LYAR: variants seen among roughly 807,000 people sequenced by gnomAD.
LYAR encodes cell growth-regulating nucleolar protein.
Under a neutral mutation model 45.2 loss-of-function variants are expected in LYAR, and 37 were observed. The ratio of observed to expected loss-of-function variants is 0.82; its 90% CI spans 0.63 to 1.08. The LOEUF is 1.08. Ranked by LOEUF, LYAR falls within the 50% of genes least tolerant of loss-of-function variation. LYAR has a pLI of 0.00. For synonymous variants in LYAR, 176 were observed against 155.1 expected (o/e 1.14, Z -1.00); for missense variants, 493 against 451.0 (o/e 1.09, Z -0.84).
Position 4,267,760 on chromosome 4 carries a change from A to G in LYAR, c.*129T>C, listed in dbSNP as rs369349408. ...CTCATAAAAGTTATACCAAAAATAT[A>G]TTTTCTTAACTTAAAAATACAGCTT... On this transcript the variant is annotated 3_prime_UTR_variant, in exon 10 of 10. Transcript: ENST00000343470. 3.3e-6 allele frequency: 2 copies of G among 606,916 alleles called. No individual in the cohort carries two copies. Among genetic ancestry groups the G allele is most frequent in the Non-Finnish European group, 5.0e-6 (2 of 396,858 alleles). The allele number at this position is 606,916 out of a possible 1,614,324, so 37.6% of individuals were successfully genotyped here. A position where few individuals can be genotyped will look rare whatever the true frequency, so the allele number is the denominator to read the frequency against.
chr4:4,282,603 C>T (rs1719444131), intron 3 of LYAR, among the ~76,000 whole-genome samples: 1 of 152,206 alleles, frequency 6.6e-6, no homozygotes, highest in Non-Finnish European at 1.5e-5. Flanking sequence ...TCAGAGGACA[C>T]TGGGGCAGAT....
At chr4:4,268,072 CT>C in intron 9 of LYAR, 49 bp from the exon 10 acceptor site, 3 of 1,479,130 alleles carry the variant, frequency 2.0e-6, no homozygotes, top group Non-Finnish European at 2.7e-6. Context: ...GGAAAATTAT[CT>C]TAAAATGTTC....
chr4:4,282,464 A>G (rs1461600915), intron 3 of LYAR, among the ~76,000 whole-genome samples: 2 of 152,206 alleles, frequency 1.3e-5, no homozygotes, highest in East Asian at 1.9e-4. Context: ...TGAAAACTCA[A>G]TTTTAACCTA....
chr4:4,272,072 G>T (rs1433196328), intron 8 of LYAR, among the ~76,000 whole-genome samples: 2 of 152,280 alleles, frequency 1.3e-5, no homozygotes, highest in African/African-American at 4.8e-5. Context: ...GGCTAAGGAG[G>T]GGGTGGGGGT....
intron 3 of LYAR, among the ~76,000 whole-genome samples, chr4:4,283,275 C>T (rs1237380271): frequency 1.3e-5 from 2 of 152,142 alleles, no homozygotes; most frequent in Admixed American, 6.5e-5. Context: ...CTCAGCCTCC[C>T]GAGTAGCTGG....
intron 7 of LYAR, 58 bp from the exon 8 acceptor site, chr4:4,273,727 C>A: frequency 1.0e-6 from 1 of 993,202 alleles, no homozygotes; most frequent in South Asian, 1.3e-5. Flanking sequence ...TAGCAGCTAC[C>A]ATTTAATGAG....
intron 3 of LYAR, among the ~76,000 whole-genome samples, chr4:4,282,398 T>C (rs1284028756): frequency 6.6e-6 from 1 of 152,082 alleles, no homozygotes; most frequent in Non-Finnish European, 1.5e-5. Flanking sequence ...TTTGTAAAGC[T>C]CTATGGGGTT....
chr4:4,289,497 G>C (rs1719769439), intron 1 of LYAR: 1 of 152,208 alleles, frequency 6.6e-6, no homozygotes, highest in Non-Finnish European at 1.5e-5. Flanking sequence ...CTCATAGGAG[G>C]TTAACACATT....
chr4:4,288,406 AGGTTTGG>A (rs1719701786), intron 1 of LYAR, among the ~76,000 whole-genome samples: 1 of 151,348 alleles, frequency 6.6e-6, no homozygotes, highest in African/African-American at 2.4e-5. Flanking sequence ...ACATGCCCTT[AGGTTTGG>A]TTCTGAGATT....
At chr4:4,284,594 C>T (rs1719533184) in intron 2 of LYAR, among the ~76,000 whole-genome samples, 1 of 152,056 alleles carries the variant, frequency 6.6e-6, no homozygotes, top group East Asian at 1.9e-4. Flanking sequence ...CGAGCACTGC[C>T]CCAAAAAGAA....
rs1350238195 is a variant in LYAR at position 4,274,702 on chromosome 4, G to C, written c.497C>G (p.Ser166Cys). 4 of 1,613,826 alleles carry C rather than the reference G, an allele frequency of 2.5e-6. No homozygotes were observed. The highest frequency in any genetic ancestry group is 3.4e-6 in the Non-Finnish European group (4 of 1,179,986). ...HPVANPHAEI[S>C]TKVPASKVKD... ...CACTTTGGAGGCTGGAACCTTGGTG[G>C]AGATTTCTGCATGTGGATTTGCCAC... is the stretch of plus-strand genomic sequence containing the variant. Residue 166 changes from serine to cysteine, a missense_variant, in exon 7 of 10, where the codon TCC (serine) becomes TGC (cysteine). Transcript: ENST00000343470.
intron 2 of LYAR, among the ~76,000 whole-genome samples, chr4:4,284,873 A>G (rs181539599): frequency 2.8e-4 from 42 of 152,332 alleles, no homozygotes; most frequent in Admixed American, 2.5e-3. Flanking sequence ...AATTTACTTC[A>G]GGGTAGGACT....
chr4:4,288,205 C>T (rs534967724), intron 1 of LYAR, among the ~76,000 whole-genome samples: 1 of 152,298 alleles, frequency 6.6e-6, no homozygotes, highest in Admixed American at 6.5e-5. Context: ...AAAGCTTCAT[C>T]CCTGCCCAAT....
chr4:4,286,597 T>A (rs899115445), intron 1 of LYAR, 25 bp from the exon 2 acceptor site: 6 of 151,604 alleles, frequency 4.0e-5, no homozygotes, highest in Non-Finnish European at 8.8e-5. Context: ...TAAAACGGTA[T>A]TGTTCAAATT....
chr4:4,268,047 G>A lies in LYAR; in HGVS notation c.1006-24C>T, dbSNP rs201967481. On this transcript the variant is annotated intron_variant, in intron 9 of 9. Coordinates refer to ENST00000343470, the MANE Select transcript of LYAR (RefSeq NM_017816.3). ...ACCTTCACAAAGAAAAACATCAAAT[G>A]AGTGTATTTGACCTGGAAAATTATC... 2.8e-5 allele frequency: 43 copies of A among 1,541,192 alleles called. No individual in the cohort carries two copies. In the Middle Eastern group the frequency reaches 6.9e-4, roughly 25 times the overall value.
intron 1 of LYAR, among the ~76,000 whole-genome samples, chr4:4,287,301 C>T (rs1719656059): frequency 6.6e-6 from 1 of 152,194 alleles, no homozygotes. Context: ...TACTTCGGTT[C>T]TTGCTCAGTC....
chr4:4,273,703 T>G, intron 7 of LYAR, 34 bp from the exon 8 acceptor site: 1 of 1,407,956 alleles, frequency 7.1e-7, no homozygotes, highest in East Asian at 2.3e-5. Flanking sequence ...TTAAAGAAGA[T>G]TTTGCATTTA....
At chr4:4,271,886 C>T (rs1327921462) in intron 8 of LYAR, among the ~76,000 whole-genome samples, 1 of 152,224 alleles carries the variant, frequency 6.6e-6, no homozygotes, top group South Asian at 2.1e-4. Context: ...GATGCACGCA[C>T]AGCACGGGAT....
intron 4 of LYAR, 146 bp from the exon 5 acceptor site, chr4:4,279,895 T>C (rs988831939): frequency 1.5e-5 from 9 of 606,248 alleles, no homozygotes; most frequent in Non-Finnish European, 2.0e-5. Context: ...TAAAAATATA[T>C]AGGTTAACTT....
Sources: gnomAD v4.1 joint callset for allele counts (sites outside exome capture counted in the v4.1 genomes callset) on GRCh38, gnomAD v4.1.1 for gene constraint, MANE v1.5 for transcripts, NCBI Gene and HGNC (gene_info 2026-07-23, HGNC 2026-07-21) for gene names.